The following COL28A1 variants were observed in gnomAD, a reference collection of about 807,000 sequenced individuals.
COL28A1 encodes the protein collagen type XXVIII alpha 1 chain.
A neutral mutation model predicts 150.2 loss-of-function variants in COL28A1; 161 were observed. The observed-to-expected ratio is 1.07, with a 90% CI of 0.94 to 1.22. The LOEUF (loss-of-function observed/expected upper bound fraction) is 1.22, where lower values mean the gene tolerates loss of function less well. Ranked by LOEUF, COL28A1 falls within the 50% of genes most tolerant of loss-of-function variation. The pLI is 0.00. For missense variants in COL28A1, 1,617 were observed against 1,388.3 expected (o/e 1.16, Z -2.62); for synonymous variants, 552 against 469.7 (o/e 1.18, Z -2.26).
At chr7:7,528,008 A>C (rs2115239604) in intron 3 of COL28A1, among the ~76,000 whole-genome samples, 1 of 152,342 alleles carries the variant, frequency 6.6e-6, no homozygotes, top group Middle Eastern at 3.4e-3. Context: ...GTCTTGAAAA[A>C]ATGGAAAGTG....
At chr7:7,452,089 C>A (rs73674561) in intron 18 of COL28A1, among the ~76,000 whole-genome samples, 2 of 152,154 alleles carry the variant, frequency 1.3e-5, no homozygotes, top group African/African-American at 4.8e-5. Context: ...CAAAGTGCCA[C>A]CCTAGTGGAG....
chr7:7,360,655 A>G (rs188271574), intron 33 of COL28A1, 127 bp from the exon 34 acceptor site: 615 of 784,918 alleles, frequency 7.8e-4, no homozygotes, highest in Admixed American at 1.2e-3. Flanking sequence ...GATACTAACT[A>G]TTTCAAATAA....
intron 33 of COL28A1, among the ~76,000 whole-genome samples, chr7:7,362,209 A>C (rs1361089647): frequency 6.6e-6 from 1 of 151,958 alleles, no homozygotes; most frequent in Non-Finnish European, 1.5e-5. Flanking sequence ...CATTCTTGAC[A>C]ATTACCAGGA....
intron 27 of COL28A1, among the ~76,000 whole-genome samples, chr7:7,398,235 C>G (rs1323379088): frequency 1.3e-5 from 2 of 152,180 alleles, no homozygotes; most frequent in African/African-American, 4.8e-5. Flanking sequence ...CAGAATCTAA[C>G]AAATAATAAA....
intron 3 of COL28A1, among the ~76,000 whole-genome samples, chr7:7,526,917 G>A (rs1360642804): frequency 1.3e-5 from 2 of 152,146 alleles, no homozygotes; most frequent in East Asian, 3.8e-4. Context: ...TTACAGGTGT[G>A]AGCCACCGCA....
intron 27 of COL28A1, among the ~76,000 whole-genome samples, chr7:7,394,040 T>G (rs540962143): frequency 1.2e-4 from 18 of 152,074 alleles, no homozygotes; most frequent in South Asian, 8.3e-4. Context: ...AGTATTGTGC[T>G]TGAAACCCAG....
rs1051895060 is a variant in COL28A1 at position 7,501,700 on chromosome 7, G to C, written c.1026+4314C>G. Among the ~76,000 whole-genome samples the C allele has an allele frequency of 6.6e-5, 10 of 152,168 alleles. No homozygotes were observed. In the East Asian group the frequency reaches 1.5e-3, roughly 24 times the overall value. ...CCTAGTAATTAAAGGCCTTTTTCAA[G>C]GGTCACATGTGATTGCAACCTGAGC... On this transcript the variant is annotated intron_variant, in intron 11 of 34. Coordinates refer to ENST00000399429, the MANE Select transcript of COL28A1 (RefSeq NM_001037763.3).
At chr7:7,422,795 C>T (rs1257515039) in intron 25 of COL28A1, among the ~76,000 whole-genome samples, 1 of 152,164 alleles carries the variant, frequency 6.6e-6, no homozygotes, top group African/African-American at 2.4e-5. Flanking sequence ...CCCCAAGTTC[C>T]TGCCGGCTAT....
Position 7,359,161 on chromosome 7 carries a change from C to T in COL28A1, c.3206-356G>A, listed in dbSNP as rs1488827572. 2.0e-5 allele frequency among the ~76,000 whole-genome samples: 3 copies of T among 152,138 alleles called. No individual in the cohort carries two copies. In the East Asian group the frequency reaches 5.8e-4, roughly 29 times the overall value. ...TTTCATTTACACTGGATTTGATTTA[C>T]AATCAAATTAATATTTGGAATAAAA... On this transcript the variant is annotated intron_variant, in intron 34 of 34. Coordinates refer to ENST00000399429, the MANE Select transcript of COL28A1 (RefSeq NM_001037763.3).
At chr7:7,491,621 ATTTTAGAACTAG>A (rs1228868717) in intron 11 of COL28A1, among the ~76,000 whole-genome samples, 1 of 152,262 alleles carries the variant, frequency 6.6e-6, no homozygotes. Flanking sequence ...GAATTCAGGC[ATTTTAGAACTAG>A]ATGTGACCAT....
intron 11 of COL28A1, among the ~76,000 whole-genome samples, chr7:7,504,960 A>G (rs1780730151): frequency 6.6e-6 from 1 of 152,204 alleles, no homozygotes; most frequent in Non-Finnish European, 1.5e-5. Context: ...AATTTTATCA[A>G]AACTTCTGCT....
chr7:7,489,548 A>T, intron 12 of COL28A1, 91 bp from the exon 13 acceptor site: 1 of 776,340 alleles, frequency 1.3e-6, no homozygotes, highest in Non-Finnish European at 2.2e-6. Flanking sequence ...AACAAGGATA[A>T]ATAGCGAAAT....
intron 15 of COL28A1, among the ~76,000 whole-genome samples, chr7:7,471,125 T>TAAAAAA (rs746981344): frequency 1.0e-3 from 92 of 88,462 alleles, no homozygotes; most frequent in Middle Eastern, 6.3e-3. Context: ...AAAAAATAAT[T>TAAAAAA]AAAAAAAAAA....
intron 27 of COL28A1, among the ~76,000 whole-genome samples, chr7:7,388,094 C>T (rs894868270): frequency 1.3e-5 from 2 of 151,806 alleles, no homozygotes; most frequent in South Asian, 2.1e-4. Context: ...GCATGTGTCA[C>T]GGTGGTTAGC....
intron 13 of COL28A1, among the ~76,000 whole-genome samples, chr7:7,478,751 G>C (rs1181611162): frequency 2.0e-5 from 3 of 152,244 alleles, no homozygotes; most frequent in Non-Finnish European, 2.9e-5. Context: ...AGCACTGCTG[G>C]GGGACCCAGT....
At chr7:7,458,042 T>C (rs1367763729) in intron 15 of COL28A1, among the ~76,000 whole-genome samples, 1 of 152,212 alleles carries the variant, frequency 6.6e-6, no homozygotes, top group Non-Finnish European at 1.5e-5. Flanking sequence ...TGTGGTCTCA[T>C]AACATTTTAT....
chr7:7,484,059 T>A (rs192003979), intron 13 of COL28A1, among the ~76,000 whole-genome samples: 1 of 152,192 alleles, frequency 6.6e-6, no homozygotes, highest in Admixed American at 6.5e-5. Context: ...GAAGAAATAA[T>A]AGCTAAGAAC....
intron 8 of COL28A1, among the ~76,000 whole-genome samples, chr7:7,513,276 A>G (rs1781247318): frequency 6.6e-6 from 1 of 152,200 alleles, no homozygotes; most frequent in East Asian, 1.9e-4. Flanking sequence ...GCTCAGAGAC[A>G]TTACATACTT....
intron 10 of COL28A1, among the ~76,000 whole-genome samples, chr7:7,506,479 A>G (rs1780815915): frequency 6.6e-6 from 1 of 152,192 alleles, no homozygotes; most frequent in South Asian, 2.1e-4. Flanking sequence ...TCCAGGCTAA[A>G]GCAAAGAAGT....
Sources: allele counts gnomAD v4.1 joint callset (sites outside exome capture counted in the v4.1 genomes callset), GRCh38; gene constraint gnomAD v4.1.1; transcripts MANE v1.5; gene names NCBI Gene and HGNC (gene_info 2026-07-23, HGNC 2026-07-21).